Variants in NSMCE1 observed in about 807,000 individuals in gnomAD.
NSMCE1 encodes the protein NSE1 component of SMC5/6 complex.
Under a neutral mutation model 29.6 loss-of-function variants are expected in NSMCE1, and 18 were observed. The observed-to-expected ratio is 0.61, with a 90% CI of 0.42 to 0.90. The LOEUF is 0.90. Among genes scored for constraint, NSMCE1 ranks in the 40% least tolerant of loss-of-function variants. The pLI is 0.00. For synonymous variants in NSMCE1, 124 were observed against 133.4 expected, an observed-to-expected ratio of 0.93 and a Z score of 0.49; for missense variants, 314 against 343.6, an observed-to-expected ratio of 0.91 and a Z score of 0.68.
intron 2 of NSMCE1, among the ~76,000 whole-genome samples, chr16:27,242,858 C>T (rs4531736): frequency 0.017 from 2,551 of 152,316 alleles, 27 homozygotes; most frequent in African/African-American, 0.029. Flanking sequence ...CAGGAGCCCT[C>T]GCAGAGCTGA....
intron 2 of NSMCE1, among the ~76,000 whole-genome samples, chr16:27,239,980 T>C (rs2083873966): frequency 6.6e-6 from 1 of 152,210 alleles, no homozygotes; most frequent in African/African-American, 2.4e-5. Flanking sequence ...ATTCACATGG[T>C]TCATTTCATC....
At chr16:27,264,305 C>T (rs898376113) in intron 1 of NSMCE1, among the ~76,000 whole-genome samples, 8 of 152,088 alleles carry the variant, frequency 5.3e-5, no homozygotes, top group Admixed American at 1.3e-4. Context: ...CTCGGGATGT[C>T]GAGGCTACAG....
intron 2 of NSMCE1, among the ~76,000 whole-genome samples, chr16:27,252,685 G>A (rs2084047238): frequency 1.3e-5 from 2 of 152,188 alleles, no homozygotes; most frequent in African/African-American, 2.4e-5. Flanking sequence ...TGGGGAGGCG[G>A]AGGCAGGCGG....
At chr16:27,260,461 A>G (rs2084142151) in intron 1 of NSMCE1, among the ~76,000 whole-genome samples, 1 of 152,188 alleles carries the variant, frequency 6.6e-6, no homozygotes, top group South Asian at 2.1e-4. Context: ...AAACAAACAC[A>G]AAAAAACAAA....
intron 2 of NSMCE1, among the ~76,000 whole-genome samples, chr16:27,251,608 A>G (rs1033761277): frequency 4.6e-5 from 7 of 152,258 alleles, no homozygotes; most frequent in African/African-American, 1.7e-4. Context: ...TGGTTATGGT[A>G]TCAGAATCAT....
chr16:27,233,461 G>A (rs530884389), intron 4 of NSMCE1, among the ~76,000 whole-genome samples: 24 of 152,168 alleles, frequency 1.6e-4, no homozygotes, highest in Non-Finnish European at 2.2e-4. Context: ...GGCAGGAACC[G>A]CTGGGGAAGA....
At chr16:27,264,451 C>A (rs899850022) in intron 1 of NSMCE1, among the ~76,000 whole-genome samples, 13 of 152,170 alleles carry the variant, frequency 8.5e-5, no homozygotes, top group African/African-American at 2.9e-4. Flanking sequence ...CAGAGATAGA[C>A]AAATAAGACC....
At chr16:27,239,228 C>T (rs1418673199) in intron 2 of NSMCE1, among the ~76,000 whole-genome samples, 1 of 152,158 alleles carries the variant, frequency 6.6e-6, no homozygotes, top group Non-Finnish European at 1.5e-5. Flanking sequence ...TCCCAAGATC[C>T]TTATGATGTC....
chr16:27,229,167 G>A (rs1283161736), intron 5 of NSMCE1, among the ~76,000 whole-genome samples: 1 of 152,216 alleles, frequency 6.6e-6, no homozygotes, highest in East Asian at 1.9e-4. Flanking sequence ...CTTCTTGAGT[G>A]CACCTGCTGG....
At position 27,225,792 on chromosome 16, in the gene NSMCE1, A is replaced by G. The variant is rs2083683792; in HGVS notation, c.655T>C (p.Tyr219His). The part of the protein sequence containing the change: ...IRMHLPCVAK[Y>H]FQSNAEPRCP... ...CGCGGTTCAGCATTCGACTGGAAGTACTTGGCCACGCAGGGTAAGTGCATC... is the reference window on the plus strand; with the variant it reads ...CGCGGTTCAGCATTCGACTGGAAGTGCTTGGCCACGCAGGGTAAGTGCATC... Residue 219 changes from tyrosine (Y) to histidine (H), a missense_variant, in exon 7 of 8, where the codon TAC becomes CAC. Transcript: ENST00000361439. The G allele has an allele frequency of 1.2e-6, 2 of 1,614,082 alleles. No individual in the cohort carries two copies. The highest frequency in any genetic ancestry group is 1.7e-6 in the Non-Finnish European group (2 of 1,180,038).
At position 27,225,434 on chromosome 16, in the gene NSMCE1, G is replaced by A. The variant is rs190926972; in HGVS notation, c.722-198C>T. ...GAGAGGAACAAACTGAGGGAGCTGT[G>A]GACATAGCTTTCACGTCCCCCTCCT... On this transcript the variant is annotated intron_variant, in intron 7 of 7. Coordinates refer to ENST00000361439, the MANE Select transcript of NSMCE1 (RefSeq NM_145080.4). 6.0e-4 allele frequency among the ~76,000 whole-genome samples: 91 copies of A among 152,348 alleles called. 1 individual carries two copies. The highest frequency in any genetic ancestry group is 2.0e-3 in the African/African-American group (84 of 41,588).
chr16:27,248,284 C>T (rs1331937822), intron 2 of NSMCE1, among the ~76,000 whole-genome samples: 6 of 152,106 alleles, frequency 3.9e-5, no homozygotes, highest in Admixed American at 3.9e-4. Flanking sequence ...TTTACATTCC[C>T]AACAGTAGTA....
chr16:27,264,609 C>T (rs1250070637), intron 1 of NSMCE1, among the ~76,000 whole-genome samples: 1 of 151,996 alleles, frequency 6.6e-6, no homozygotes, highest in African/African-American at 2.4e-5. Context: ...TGATTCTTAC[C>T]TCATACTATA....
At chr16:27,226,079 G>A in intron 6 of NSMCE1, 1 of 459,504 alleles carries the variant, frequency 2.2e-6, no homozygotes, top group South Asian at 2.5e-5. Context: ...CGCAGTGACA[G>A]AAGCCGAGGG....
At chr16:27,261,160 C>A (rs2084152762) in intron 1 of NSMCE1, among the ~76,000 whole-genome samples, 3 of 116,696 alleles carry the variant, frequency 2.6e-5, no homozygotes, top group Admixed American at 1.7e-4. Context: ...AAGCAAGACT[C>A]CGTCTCAAAA....
At chr16:27,237,106 G>T (rs1444514524) in intron 2 of NSMCE1, among the ~76,000 whole-genome samples, 1 of 152,230 alleles carries the variant, frequency 6.6e-6, no homozygotes, top group Non-Finnish European at 1.5e-5. Flanking sequence ...TGACACTAAT[G>T]TGCCATGCTC....
rs2083677296 is a variant in NSMCE1 at position 27,225,357 on chromosome 16, TCAC to T, written c.722-124_722-122del. 14 of 684,020 alleles carry T rather than the reference TCAC, an allele frequency of 2.0e-5. No homozygotes were observed. In the East Asian group the frequency reaches 3.8e-4, roughly 19 times the overall value. The allele number at this position is 684,020 out of a possible 1,614,324, so 42.4% of individuals were successfully genotyped here. ...GACTGTCCTAGGTCTACACCATCCT[TCAC>T]TGCTAACCCTCCCCAGCCCGTGAGG... On this transcript the variant is annotated intron_variant, in intron 7 of 7. Transcript: ENST00000361439.
intron 1 of NSMCE1, among the ~76,000 whole-genome samples, chr16:27,260,713 G>T (rs1303266776): frequency 6.6e-6 from 1 of 151,956 alleles, no homozygotes; most frequent in Non-Finnish European, 1.5e-5. Flanking sequence ...ACAAAAATTA[G>T]CTGGGCATAG....
intron 2 of NSMCE1, among the ~76,000 whole-genome samples, chr16:27,252,318 G>A (rs763343403): frequency 1.8e-4 from 27 of 152,270 alleles, no homozygotes; most frequent in East Asian, 1.5e-3. Context: ...ACTCGTCAAC[G>A]GCCAGTGACT....
Sources: allele counts gnomAD v4.1 joint callset (sites outside exome capture counted in the v4.1 genomes callset), GRCh38; gene constraint gnomAD v4.1.1; transcripts MANE v1.5; gene names NCBI Gene and HGNC (gene_info 2026-07-23, HGNC 2026-07-21).